FXYD6: variants seen among roughly 807,000 people sequenced by gnomAD.
FXYD6 encodes FXYD domain-containing ion transport regulator 6.
In FXYD6, 7 loss-of-function variants were observed where a neutral mutation model predicts 16.7. The ratio of observed to expected loss-of-function variants is 0.42; its 90% CI spans 0.24 to 0.79. The LOEUF (loss-of-function observed/expected upper bound fraction) is 0.79, where lower values mean the gene tolerates loss of function less well. Ranked by LOEUF, FXYD6 falls within the 30% of genes least tolerant of loss-of-function variation. The pLI, the probability that FXYD6 is intolerant of heterozygous loss-of-function variation, is 0.28. For missense variants in FXYD6, 111 were observed against 116.2 expected, an observed-to-expected ratio of 0.95 and a Z score of 0.21; for synonymous variants, 49 against 43.0, an observed-to-expected ratio of 1.14 and a Z score of -0.54.
Position 117,845,418 on chromosome 11 carries a change from A to G in FXYD6, c.-5-2637T>C, listed in dbSNP as rs1292611689. Reference sequence around the variant, plus strand: ...ATATTTAACACGTACATATATCTAAATATTATGTTGCTTAGTGTAGCTTTT... The same window carrying G: ...ATATTTAACACGTACATATATCTAAGTATTATGTTGCTTAGTGTAGCTTTT... On this transcript the variant is annotated intron_variant, in intron 1 of 7. Transcript: ENST00000526014. 2.6e-4 allele frequency among the ~76,000 whole-genome samples: 40 copies of G among 152,176 alleles called. 2 individuals are homozygous for G. Among genetic ancestry groups the G allele is most frequent in the Admixed American group, 2.6e-3 (40 of 15,280 alleles).
At chr11:117,874,176 A>G (rs186458181) in intron 1 of FXYD6, among the ~76,000 whole-genome samples, 39 of 152,252 alleles carry the variant, frequency 2.6e-4, no homozygotes, top group Non-Finnish European at 8.8e-5. Flanking sequence ...GATGTCAGGG[A>G]TTGTGTCTCC....
chr11:117,856,687 G>A (rs547456455), intron 1 of FXYD6, among the ~76,000 whole-genome samples: 1 of 152,238 alleles, frequency 6.6e-6, no homozygotes, highest in East Asian at 1.9e-4. Flanking sequence ...CAACCAAGAA[G>A]TCTATTAAAA....
In FXYD6 at chr11:117,854,901, G is replaced by A. The variant is rs189874651; in HGVS notation, c.-5-12120C>T. Among the ~76,000 whole-genome samples the A allele has an allele frequency of 5.8e-4, 88 of 152,310 alleles. No individual in the cohort carries two copies. The Middle Eastern group carries it at 0.027, about 47-fold the overall frequency. On this transcript the variant is annotated intron_variant, in intron 1 of 7. Transcript: ENST00000526014. ...CTCAAGTTCAAGATCAGTTCAAGAT[G>A]AGCCTTAACGCATTTCATGCAGTAG... is the stretch of plus-strand genomic sequence containing the variant.
At chr11:117,842,608 G>A in intron 2 of FXYD6, 111 bp downstream of exon 2, 11 of 1,098,984 alleles carry the variant, frequency 1.0e-5, no homozygotes, top group Non-Finnish European at 1.3e-5. Flanking sequence ...TAGACATGAA[G>A]AACGTGAGAG....
chr11:117,866,943 C>T (rs985756012), intron 1 of FXYD6, among the ~76,000 whole-genome samples: 4 of 152,020 alleles, frequency 2.6e-5, no homozygotes, highest in Admixed American at 2.0e-4. Flanking sequence ...GCCACCCCTA[C>T]TCAAAAATGT....
rs114913651 is a variant in FXYD6, at chr11:117,872,300, G to A, written c.-6+4292C>T. On this transcript the variant is annotated intron_variant, in intron 1 of 7. Transcript: ENST00000526014. This position sits in a 1 kb window ranked among gnomAD's most constrained non-coding sequence, Gnocchi z 4.9. ...CGTGTGTGAGAGTGTAAGTGCACCC[G>A]TGATTGCATGGAGGGGCTCTTCCTA... 0.012 allele frequency among the ~76,000 whole-genome samples: 1,820 copies of A among 152,248 alleles called. 33 individuals carry two copies. The highest frequency in any genetic ancestry group is 0.041 in the African/African-American group (1,699 of 41,530).
chr11:117,871,717 A>G (rs1476041127), intron 1 of FXYD6, among the ~76,000 whole-genome samples: 1 of 152,206 alleles, frequency 6.6e-6, no homozygotes, highest in African/African-American at 2.4e-5. Context: ...ATATCTCCTG[A>G]GTGTTTACTC....
chr11:117,841,822 G>A lies in FXYD6; in HGVS notation c.141C>T (p.Val47=). The A allele has an allele frequency of 6.2e-7, 1 of 1,613,894 alleles. No homozygotes were observed. The highest frequency in any genetic ancestry group is 8.5e-7 in the Non-Finnish European group (1 of 1,179,982). Residue 47 remains valine, a synonymous_variant, in exon 4 of 8, where the codon GTC becomes GTT. Coordinates refer to ENST00000526014, the MANE Select transcript of FXYD6 (RefSeq NM_022003.4). ...LRIGGLVFAV[V]LFSVGILLIL... ...TAAGGAGGATCCCAACCGAGAAGAG[G>A]ACCACAGCGAACACCAGTCCCCCAA...
intron 1 of FXYD6, among the ~76,000 whole-genome samples, chr11:117,861,054 C>T (rs957175118): frequency 6.6e-6 from 1 of 152,150 alleles, no homozygotes; most frequent in Non-Finnish European, 1.5e-5. Context: ...GCCTCGGGAG[C>T]GTTACTTGGC....
At chr11:117,857,221 G>A (rs1212746688) in intron 1 of FXYD6, among the ~76,000 whole-genome samples, 1 of 152,144 alleles carries the variant, frequency 6.6e-6, no homozygotes, top group Admixed American at 6.5e-5. Context: ...GGGCCCAAAT[G>A]CTCACTCTCT....
intron 6 of FXYD6, 26 bp downstream of exon 6, chr11:117,840,293 C>G: frequency 6.2e-7 from 1 of 1,614,166 alleles, no homozygotes. Flanking sequence ...TCTTTTCCAC[C>G]TGGGCAGGTG....
chr11:117,870,667 A>G lies in FXYD6; in HGVS notation c.-6+5925T>C, dbSNP rs189901820. On this transcript the variant is annotated intron_variant, in intron 1 of 7. Transcript: ENST00000526014. The surrounding 1 kb of genome is among the most constrained non-coding windows in gnomAD (Gnocchi z 4.2). Reference sequence around the variant, plus strand: ...GTGGCATGAAGATGAACCCTGACCCACGGGCCTGGATACCCAGAAATGTGC... The same window carrying G: ...GTGGCATGAAGATGAACCCTGACCCGCGGGCCTGGATACCCAGAAATGTGC... 3.9e-3 allele frequency among the ~76,000 whole-genome samples: 587 copies of G among 152,230 alleles called. 4 individuals carry two copies. Among genetic ancestry groups the G allele is most frequent in the African/African-American group, 0.013 (559 of 41,522 alleles).
At chr11:117,863,297 A>G (rs1035306782) in intron 1 of FXYD6, among the ~76,000 whole-genome samples, 6 of 152,238 alleles carry the variant, frequency 3.9e-5, no homozygotes, top group Non-Finnish European at 8.8e-5. Flanking sequence ...AAAATGTTTC[A>G]ACATATGAAA....
At position 117,876,630 on chromosome 11, in the gene FXYD6, C is replaced by T. The variant is rs1177823575; in HGVS notation, c.-44G>A. 1 of 152,280 alleles carries T rather than the reference C, an allele frequency of 6.6e-6. No homozygotes were observed. The highest frequency in any genetic ancestry group is 1.5e-5 in the Non-Finnish European group (1 of 68,102). The allele number at this position is 152,280 out of a possible 1,614,324, so 9.4% of individuals were successfully genotyped here. ...CCCCTCCGAGACTCCCAGGAGGACC[C>T]GCCGAGTCCCGAGGAGCCTGGGAGT... On this transcript the variant is annotated 5_prime_UTR_variant, in exon 1 of 8. Transcript: ENST00000526014.
chr11:117,868,642 A>G (rs1428317007), intron 1 of FXYD6, among the ~76,000 whole-genome samples: 1 of 152,150 alleles, frequency 6.6e-6, no homozygotes, highest in Non-Finnish European at 1.5e-5. Context: ...ATTTTAATAA[A>G]GTGTCAATGT....
intron 1 of FXYD6, among the ~76,000 whole-genome samples, chr11:117,869,648 A>C (rs896482778): frequency 1.3e-5 from 2 of 149,668 alleles, no homozygotes; most frequent in African/African-American, 2.5e-5. Context: ...CTTTCTAGGG[A>C]AGAGAAACTT....
At chr11:117,848,697 A>G (rs2056535240) in intron 1 of FXYD6, among the ~76,000 whole-genome samples, 1 of 152,210 alleles carries the variant, frequency 6.6e-6, no homozygotes, top group African/African-American at 2.4e-5. Context: ...GGCCCATTCA[A>G]TTAATTAATG....
intron 1 of FXYD6, among the ~76,000 whole-genome samples, chr11:117,851,872 C>T (rs686245): frequency 0.91 from 138,561 of 152,318 alleles, 63,162 homozygotes; most frequent in East Asian, 1. Context: ...AGCTGCAACA[C>T]ACTTTTAACC....
intron 7 of FXYD6, chr11:117,839,484 ACT>A (rs1247329036): frequency 4.8e-6 from 2 of 419,254 alleles, no homozygotes; most frequent in Admixed American, 3.8e-5. Flanking sequence ...CATTTCACTA[ACT>A]CTAATTCTCC....
Sources: gnomAD v4.1 joint callset for allele counts (sites outside exome capture counted in the v4.1 genomes callset) on GRCh38, gnomAD v4.1.1 for gene constraint, Gnocchi (gnomAD v3.1) non-coding constraint, MANE v1.5 for transcripts, NCBI Gene and HGNC (gene_info 2026-07-23, HGNC 2026-07-21) for gene names.